The following CSRNP3 variants were observed in gnomAD, a reference collection of about 807,000 sequenced individuals.
CSRNP3 encodes cysteine and serine rich nuclear protein 3, also known as cysteine/serine-rich nuclear protein 3.
Under a neutral mutation model 48.0 loss-of-function variants are expected in CSRNP3, and 12 were observed. The observed-to-expected ratio is 0.25, with a 90% CI of 0.16 to 0.41. The LOEUF is 0.41. Among genes scored for constraint, CSRNP3 ranks in the 10% least tolerant of loss-of-function variants. The pLI, the probability that CSRNP3 is intolerant of heterozygous loss-of-function variation, is 1.00. For missense variants in CSRNP3, 580 were observed against 724.4 expected (o/e 0.80, Z 2.29); for synonymous variants, 263 against 269.7 (o/e 0.98, Z 0.24).
chr2:165,657,171 C>A (rs1482420141), intron 4 of CSRNP3, among the ~76,000 whole-genome samples: 2 of 152,158 alleles, frequency 1.3e-5, no homozygotes, highest in Non-Finnish European at 2.9e-5. Context: ...TACATAGTAG[C>A]CATCTCGGTT....
chr2:165,642,875 T>A (rs1686747244), intron 4 of CSRNP3, among the ~76,000 whole-genome samples: 3 of 152,222 alleles, frequency 2.0e-5, no homozygotes, highest in Admixed American at 2.0e-4. Context: ...ATATTCTTTA[T>A]GACTTTATTT....
Position 165,585,203 on chromosome 2 carries a change from G to A in CSRNP3, c.-23-9840G>A, listed in dbSNP as rs1055298932. Among the ~76,000 whole-genome samples, 45 of 145,052 alleles carry A rather than the reference G, an allele frequency of 3.1e-4. 1 individual carries two copies. The highest frequency in any genetic ancestry group is 1.1e-3 in the African/African-American group (43 of 39,564). ...TTCTCAAAATTATAAAAGTATCATA[G>A]CATAATGTGTTTTTTTTTTTTTTTA... is the stretch of plus-strand genomic sequence containing the variant. On this transcript the variant is annotated intron_variant, in intron 3 of 6. Coordinates refer to ENST00000651982, the MANE Select transcript of CSRNP3 (RefSeq NM_001172173.2).
intron 5 of CSRNP3, among the ~76,000 whole-genome samples, chr2:165,662,086 A>G (rs1181844940): frequency 8.6e-6 from 1 of 115,744 alleles, no homozygotes; most frequent in East Asian, 2.7e-4. Context: ...ACATGCATAT[A>G]CACTTCTAGA....
At chr2:165,634,175 C>T (rs1438680848) in intron 4 of CSRNP3, among the ~76,000 whole-genome samples, 1 of 152,018 alleles carries the variant, frequency 6.6e-6, no homozygotes. Context: ...CCCGTCTCTA[C>T]TAAAAATACA....
chr2:165,481,674 T>G (rs1684044729), intron 1 of CSRNP3, among the ~76,000 whole-genome samples: 1 of 152,182 alleles, frequency 6.6e-6, no homozygotes, highest in African/African-American at 2.4e-5. Context: ...TTTTAGAGTA[T>G]GATTTTTGTT....
At position 165,689,210 on chromosome 2, in the gene CSRNP3, G is replaced by T. The variant is rs1211777931; in HGVS notation, c.*9457G>T. The T allele has an allele frequency of 6.6e-6, 1 of 152,000 alleles. No homozygotes were observed. Among genetic ancestry groups the T allele is most frequent in the Admixed American group, 6.6e-5 (1 of 15,258 alleles). The allele number at this position is 152,000 out of a possible 1,614,324, so 9.4% of individuals were successfully genotyped here. A position where few individuals can be genotyped will look rare whatever the true frequency, so the allele number is the denominator to read the frequency against. ...TATTTATATTTTCAGTATTTATTATGAATGACATGGAAATTCGTGTATTTA... is the reference window on the plus strand; with the variant it reads ...TATTTATATTTTCAGTATTTATTATTAATGACATGGAAATTCGTGTATTTA... On this transcript the variant is annotated 3_prime_UTR_variant, in exon 7 of 7. Coordinates refer to ENST00000651982, the MANE Select transcript of CSRNP3 (RefSeq NM_001172173.2).
At chr2:165,563,615 A>G (rs1685261747) in intron 3 of CSRNP3, among the ~76,000 whole-genome samples, 1 of 152,172 alleles carries the variant, frequency 6.6e-6, no homozygotes, top group Non-Finnish European at 1.5e-5. Flanking sequence ...TTCAGTGACA[A>G]TATGCTTAGG....
intron 3 of CSRNP3, among the ~76,000 whole-genome samples, chr2:165,578,243 C>G (rs1371005659): frequency 1.3e-5 from 2 of 152,000 alleles, no homozygotes; most frequent in African/African-American, 2.4e-5. Flanking sequence ...CACCACAATG[C>G]TAGATGGGAA....
At chr2:165,533,097 C>T (rs1195858736) in intron 3 of CSRNP3, among the ~76,000 whole-genome samples, 1 of 151,992 alleles carries the variant, frequency 6.6e-6, no homozygotes, top group African/African-American at 2.4e-5. Context: ...TTTTCTTCAA[C>T]AGGGGTTTGA....
intron 4 of CSRNP3, among the ~76,000 whole-genome samples, chr2:165,644,128 C>T (rs1686773638): frequency 6.6e-6 from 1 of 152,084 alleles, no homozygotes; most frequent in Non-Finnish European, 1.5e-5. Context: ...AGTTTACAAA[C>T]TCATTATAGT....
chr2:165,660,642 A>G (rs578206121), intron 5 of CSRNP3, among the ~76,000 whole-genome samples: 1 of 152,296 alleles, frequency 6.6e-6, no homozygotes, highest in East Asian at 1.9e-4. Context: ...ATGTACTATA[A>G]TTTGTATCCA....
intron 4 of CSRNP3, among the ~76,000 whole-genome samples, chr2:165,612,429 C>CA (rs1220004980): frequency 6.6e-6 from 1 of 152,000 alleles, no homozygotes; most frequent in Non-Finnish European, 1.5e-5. Context: ...TGTGAACATT[C>CA]AAAATCCTCT....
intron 4 of CSRNP3, among the ~76,000 whole-genome samples, chr2:165,598,032 C>T (rs1030586202): frequency 3.9e-5 from 6 of 152,004 alleles, no homozygotes; most frequent in African/African-American, 1.4e-4. Flanking sequence ...GCCATAAAAG[C>T]ATTCATAAGT....
intron 3 of CSRNP3, among the ~76,000 whole-genome samples, chr2:165,527,641 G>A (rs944131339): frequency 1.3e-5 from 2 of 152,054 alleles, no homozygotes; most frequent in Non-Finnish European, 2.9e-5. Context: ...TAGATTTATT[G>A]CCTTCTTGGT....
chr2:165,567,302 A>G (rs1427764568), intron 3 of CSRNP3, among the ~76,000 whole-genome samples: 1 of 152,050 alleles, frequency 6.6e-6, no homozygotes, highest in Non-Finnish European at 1.5e-5. Context: ...GGTTTGCTTC[A>G]TTTATTCTTT....
chr2:165,542,146 C>T (rs2105253217), intron 3 of CSRNP3, among the ~76,000 whole-genome samples: 1 of 152,250 alleles, frequency 6.6e-6, no homozygotes, highest in Non-Finnish European at 1.5e-5. Flanking sequence ...CTAGCACATC[C>T]TAATATTCCT....
intron 3 of CSRNP3, among the ~76,000 whole-genome samples, chr2:165,556,208 G>T (rs1685158553): frequency 6.6e-6 from 1 of 152,096 alleles, no homozygotes; most frequent in Admixed American, 6.5e-5. Flanking sequence ...AGCATTGAGG[G>T]TAATTCCAGG....
rs904444487 is a variant in CSRNP3 at position 165,679,937 on chromosome 2, CTG to C, written c.*186_*187del. Reference sequence around the variant, plus strand: ...CTGTGGCATTGCACAAATACAGTCTCTGTAGGGATTTTAAAAGATTTCAGACT... The same window carrying C: ...CTGTGGCATTGCACAAATACAGTCTCTAGGGATTTTAAAAGATTTCAGACT... On this transcript the variant is annotated 3_prime_UTR_variant, in exon 7 of 7. Coordinates refer to ENST00000651982, the MANE Select transcript of CSRNP3 (RefSeq NM_001172173.2). 5.2e-6 allele frequency: 4 copies of C among 775,888 alleles called. No homozygotes were observed. The African/African-American group carries it at 7.0e-5, about 14-fold the overall frequency. The allele number at this position is 775,888 out of a possible 1,614,324, so 48.1% of individuals were successfully genotyped here. A position where few individuals can be genotyped will look rare whatever the true frequency, so the allele number is the denominator to read the frequency against.
At chr2:165,589,421 T>G (rs1328268725) in intron 3 of CSRNP3, among the ~76,000 whole-genome samples, 1 of 152,220 alleles carries the variant, frequency 6.6e-6, no homozygotes, top group Non-Finnish European at 1.5e-5. Flanking sequence ...GGCAATGAAA[T>G]TGGACAGGTA....
Sources: gnomAD v4.1 joint callset for allele counts (sites outside exome capture counted in the v4.1 genomes callset) on GRCh38, gnomAD v4.1.1 for gene constraint, MANE v1.5 for transcripts, NCBI Gene and HGNC (gene_info 2026-07-23, HGNC 2026-07-21) for gene names.